The following MED13L variants were observed in gnomAD, a reference collection of about 807,000 sequenced individuals.
MED13L encodes the protein mediator complex subunit 13L.
Under a neutral mutation model 220.9 loss-of-function variants are expected in MED13L, and 7 were observed. That is an observed-to-expected ratio of 0.03 (90% CI 0.02 to 0.06). The LOEUF (loss-of-function observed/expected upper bound fraction) is 0.06, where lower values mean the gene tolerates loss of function less well. Ranked by LOEUF, MED13L falls within the 10% of genes least tolerant of loss-of-function variation. The pLI, the probability that MED13L is intolerant of heterozygous loss-of-function variation, is 1.00. For missense variants in MED13L, 1,965 were observed against 2,760.5 expected, an observed-to-expected ratio of 0.71 and a Z score of 6.46; for synonymous variants, 1,011 against 1,015.2, an observed-to-expected ratio of 1.00 and a Z score of 0.08.
At chr12:116,090,190 G>C (rs1192956196) in intron 4 of MED13L, among the ~76,000 whole-genome samples, 2 of 152,186 alleles carry the variant, frequency 1.3e-5, no homozygotes, top group Admixed American at 1.3e-4. Context: ...AACTGACTTT[G>C]TTTCCAACAG....
chr12:116,157,275 G>C (rs1331925581), intron 2 of MED13L, among the ~76,000 whole-genome samples: 5 of 152,056 alleles, frequency 3.3e-5, no homozygotes, highest in African/African-American at 1.2e-4. Flanking sequence ...CCCAAGTATA[G>C]TTCACTATAC....
intron 11 of MED13L, 39 bp downstream of exon 11, chr12:116,007,372 A>T: frequency 6.4e-7 from 1 of 1,566,524 alleles, no homozygotes; most frequent in Non-Finnish European, 8.8e-7. Flanking sequence ...ATAGATAGAA[A>T]CCCACACCAT....
intron 17 of MED13L, among the ~76,000 whole-genome samples, chr12:115,990,194 G>A (rs1877964156): frequency 6.6e-6 from 1 of 152,162 alleles, no homozygotes; most frequent in African/African-American, 2.4e-5. Context: ...CTCAGTTAAT[G>A]TGTACTCATC....
intron 4 of MED13L, among the ~76,000 whole-genome samples, chr12:116,058,323 T>C (rs561527188): frequency 2.0e-4 from 30 of 152,184 alleles, no homozygotes; most frequent in Non-Finnish European, 3.4e-4. Context: ...ACAAACAATA[T>C]GCTTCCATGT....
At position 115,976,267 on chromosome 12, in the gene MED13L, CTCA is replaced by C. The variant is rs549237689; in HGVS notation, c.5365-532_5365-530del. Reference sequence around the variant, plus strand: ...CTCCAAACAGAAAGTTATCTAAATACTCATCAACAGTGAAAGAGATAATAAATT... The same window carrying C: ...CTCCAAACAGAAAGTTATCTAAATACTCAACAGTGAAAGAGATAATAAATT... On this transcript the variant is annotated intron_variant, in intron 23 of 30. Coordinates refer to ENST00000281928, the MANE Select transcript of MED13L (RefSeq NM_015335.5). 3.1e-3 allele frequency among the ~76,000 whole-genome samples: 467 copies of C among 152,250 alleles called. 2 individuals are homozygous for C. The highest frequency in any genetic ancestry group is 0.014 in the Middle Eastern group (4 of 294).
At chr12:116,031,673 GAAAAAAGAAAAGAAAAGAAAAGAAA>G (rs1273643476) in intron 4 of MED13L, among the ~76,000 whole-genome samples, 4 of 84,430 alleles carry the variant, frequency 4.7e-5, no homozygotes, top group Non-Finnish European at 8.1e-5. Context: ...CGGGAGAAAA[GAAAAAAGAAAAGAAAAGAAAAGAAA>G]AGAAAAGAAA....
chr12:116,218,555 T>C (rs557073778), intron 2 of MED13L, among the ~76,000 whole-genome samples: 14 of 152,044 alleles, frequency 9.2e-5, no homozygotes, highest in Non-Finnish European at 2.1e-4. Flanking sequence ...GGAAAAGTTT[T>C]AACCAGCATT....
At chr12:116,120,473 TCTCTCACACACACACACA>T (rs1483852469) in intron 2 of MED13L, among the ~76,000 whole-genome samples, 5 of 101,444 alleles carry the variant, frequency 4.9e-5, no homozygotes, top group South Asian at 3.7e-4. Flanking sequence ...TCTCTCTCTC[TCTCTCACACACACACACA>T]CACACACACA....
chr12:116,224,974 G>T (rs905065860), intron 2 of MED13L, among the ~76,000 whole-genome samples: 16 of 152,138 alleles, frequency 1.1e-4, no homozygotes, highest in African/African-American at 3.6e-4. Context: ...TGGGATTACA[G>T]GCGTGAGCCA....
At chr12:116,200,514 T>G (rs1175098908) in intron 2 of MED13L, among the ~76,000 whole-genome samples, 1 of 152,220 alleles carries the variant, frequency 6.6e-6, no homozygotes, top group African/African-American at 2.4e-5. Flanking sequence ...ATTCATTCAA[T>G]TAGCAATTGT....
At chr12:116,165,550 C>CT (rs1879198351) in intron 2 of MED13L, among the ~76,000 whole-genome samples, 1 of 151,766 alleles carries the variant, frequency 6.6e-6, no homozygotes, top group African/African-American at 2.4e-5. Context: ...CGAATGGTCT[C>CT]TATCTCCTTA....
At position 116,268,292 on chromosome 12, in the gene MED13L, T is replaced by A. The variant is rs115895721; in HGVS notation, c.72+8768A>T. Among the ~76,000 whole-genome samples, 666 of 152,314 alleles carry A rather than the reference T, an allele frequency of 4.4e-3. 6 individuals are homozygous for A. Among genetic ancestry groups the A allele is most frequent in the African/African-American group, 0.015 (618 of 41,562 alleles). On this transcript the variant is annotated intron_variant, in intron 1 of 30. Transcript: ENST00000281928. ...TGCAGGCACAAATACTAGGAGCTAG[T>A]TCCAAATGTTCCAGTTAGATATATG...
Position 115,972,127 on chromosome 12 carries a change from A to G in MED13L, c.5841T>C (p.Ser1947=). Residue 1947 remains serine (S), a synonymous_variant, in exon 26 of 31, where the codon AGT becomes AGC. Coordinates refer to ENST00000281928, the MANE Select transcript of MED13L (RefSeq NM_015335.5). ...GGGGCTCCATGGCAACCAGGCAGGC[A>G]CTAAGGATAGAAGGAGAGTCTGCGG... ...ISAADSPSIL[S]ACLVAMEPQG... is the part of the protein sequence containing the mutation. 6.2e-7 allele frequency: 1 copy of G among 1,614,026 alleles called. No individual in the cohort carries two copies. Among genetic ancestry groups the G allele is most frequent in the Non-Finnish European group, 8.5e-7 (1 of 1,179,928 alleles).
intron 4 of MED13L, among the ~76,000 whole-genome samples, chr12:116,075,158 T>TG (rs1380590744): frequency 6.6e-6 from 1 of 152,250 alleles, no homozygotes; most frequent in African/African-American, 2.4e-5. Context: ...TTTTTCATTT[T>TG]GGGGGGAAAT....
At chr12:116,259,547 A>T (rs1872340265) in intron 1 of MED13L, among the ~76,000 whole-genome samples, 1 of 152,188 alleles carries the variant, frequency 6.6e-6, no homozygotes, top group African/African-American at 2.4e-5. Flanking sequence ...AGAAAAGAGA[A>T]TGGGAGAGGA....
At chr12:116,033,239 A>C (rs1880966021) in intron 4 of MED13L, among the ~76,000 whole-genome samples, 1 of 152,204 alleles carries the variant, frequency 6.6e-6, no homozygotes, top group Non-Finnish European at 1.5e-5. Context: ...AAAACTAAGT[A>C]AAACAAATGC....
chr12:116,128,671 AGAT>A (rs961862394), intron 2 of MED13L, among the ~76,000 whole-genome samples: 5 of 152,216 alleles, frequency 3.3e-5, no homozygotes, highest in African/African-American at 1.2e-4. Context: ...CTATTACTAC[AGAT>A]GATAGCTCTT....
intron 1 of MED13L, among the ~76,000 whole-genome samples, chr12:116,246,877 G>GAGGGAGGT: frequency 1.0e-5 from 1 of 97,500 alleles, no homozygotes; most frequent in African/African-American, 4.1e-5. Flanking sequence ...GAGAGGAGGG[G>GAGGGAGGT]AGGGAGGTGG....
At chr12:116,069,324 A>G (rs774506067) in intron 4 of MED13L, among the ~76,000 whole-genome samples, 2 of 152,202 alleles carry the variant, frequency 1.3e-5, no homozygotes, top group Non-Finnish European at 2.9e-5. Flanking sequence ...ATTTACTGAC[A>G]TGTATTAACA....
Sources: allele counts gnomAD v4.1 joint callset (sites outside exome capture counted in the v4.1 genomes callset), GRCh38; gene constraint gnomAD v4.1.1; transcripts MANE v1.5; gene names NCBI Gene and HGNC (gene_info 2026-07-23, HGNC 2026-07-21).